Variants in SKAP2 observed in about 807,000 individuals in gnomAD.
The protein encoded by SKAP2 is src kinase associated phosphoprotein 2.
SKAP2 carries 28 observed loss-of-function variants against 54.9 expected under a neutral mutation model. That is an observed-to-expected ratio of 0.51 (90% confidence interval 0.38 to 0.70). SKAP2 has a LOEUF of 0.70. Among genes scored for constraint, SKAP2 ranks in the 30% least tolerant of loss-of-function variants. SKAP2 has a pLI of 0.00. For missense variants in SKAP2, 356 were observed against 424.1 expected, an observed-to-expected ratio of 0.84 and a Z score of 1.41; for synonymous variants, 137 against 134.3, an observed-to-expected ratio of 1.02 and a Z score of -0.14.
chr7:26,782,821 T>C (rs113822099), intron 4 of SKAP2, among the ~76,000 whole-genome samples: 179 of 152,264 alleles, frequency 1.2e-3, no homozygotes, highest in Admixed American at 3.5e-3. Context: ...TGAGGGCACA[T>C]AGAAGGCACC....
In SKAP2 at chr7:26,764,590, TTTTTTA is replaced by T. The variant is rs533666633; in HGVS notation, c.308-24632_308-24627del. 9.1e-3 allele frequency among the ~76,000 whole-genome samples: 1,389 copies of T among 152,250 alleles called. 8 individuals carry two copies. Among genetic ancestry groups the T allele is most frequent in the South Asian group, 0.031 (151 of 4,816 alleles). On this transcript the variant is annotated intron_variant, in intron 4 of 12. Transcript: ENST00000345317. ...AATCTCTTCTTTTTTTCTTTTATCT[TTTTTTA>T]TTTTTATTTTTATCATACTTTAAGT...
intron 4 of SKAP2, among the ~76,000 whole-genome samples, chr7:26,744,107 T>C (rs1003336352): frequency 1.3e-5 from 2 of 152,078 alleles, no homozygotes; most frequent in East Asian, 3.8e-4. Flanking sequence ...AAAACTAAGG[T>C]ATTACCCACT....
chr7:26,710,901 T>C (rs2127949932), intron 9 of SKAP2, among the ~76,000 whole-genome samples: 1 of 152,328 alleles, frequency 6.6e-6, no homozygotes, highest in African/African-American at 2.4e-5. Flanking sequence ...TATGTGTTAA[T>C]TTCCAGAATG....
At chr7:26,756,097 A>T (rs1008065417) in intron 4 of SKAP2, among the ~76,000 whole-genome samples, 1 of 152,234 alleles carries the variant, frequency 6.6e-6, no homozygotes, top group South Asian at 2.1e-4. Context: ...ATATATACTA[A>T]TGTAGAAAGA....
intron 9 of SKAP2, among the ~76,000 whole-genome samples, chr7:26,705,102 G>C (rs532650404): frequency 1.3e-5 from 2 of 152,288 alleles, no homozygotes; most frequent in African/African-American, 2.4e-5. Context: ...TAGGGGCCTA[G>C]GGTCTAGGCA....
chr7:26,766,647 T>C (rs1205230891), intron 4 of SKAP2, among the ~76,000 whole-genome samples: 2 of 152,238 alleles, frequency 1.3e-5, no homozygotes, highest in Non-Finnish European at 2.9e-5. Flanking sequence ...ATACATTCCA[T>C]CAGTACCTAT....
At position 26,854,122 on chromosome 7, in the gene SKAP2, A is replaced by G; in HGVS notation, c.199+15T>C. On this transcript the variant is annotated intron_variant, in intron 3 of 12. Coordinates refer to ENST00000345317, the MANE Select transcript of SKAP2 (RefSeq NM_003930.5). ...AGGAAAAAAATTTTCAAGTTTGCCAAACATGAAAACTTACCTTTGTCTTGA... is the reference window on the plus strand; with the variant it reads ...AGGAAAAAAATTTTCAAGTTTGCCAGACATGAAAACTTACCTTTGTCTTGA... 1 of 1,575,752 alleles carries G rather than the reference A, an allele frequency of 6.3e-7. No homozygotes were observed. Among genetic ancestry groups the G allele is most frequent in the Non-Finnish European group, 8.6e-7 (1 of 1,157,898 alleles).
chr7:26,819,177 G>A (rs780380605), intron 4 of SKAP2, among the ~76,000 whole-genome samples: 38 of 152,116 alleles, frequency 2.5e-4, no homozygotes, highest in Non-Finnish European at 7.4e-5. Flanking sequence ...CAACCCAAAT[G>A]CCCATCAATG....
At chr7:26,832,616 C>A (rs893655964) in intron 4 of SKAP2, among the ~76,000 whole-genome samples, 29 of 152,076 alleles carry the variant, frequency 1.9e-4, no homozygotes, top group Non-Finnish European at 3.7e-4. Flanking sequence ...GAGTTCAAGG[C>A]CAGCCTGAGC....
At chr7:26,762,188 G>C (rs958294275) in intron 4 of SKAP2, among the ~76,000 whole-genome samples, 2 of 152,022 alleles carry the variant, frequency 1.3e-5, no homozygotes, top group African/African-American at 4.8e-5. Flanking sequence ...AGGACTGCTT[G>C]AGCCTAGGAG....
At chr7:26,657,413 T>C in the SKAP2 span, among the ~76,000 whole-genome samples, 1 of 152,184 alleles carries the variant, frequency 6.6e-6, no homozygotes, top group African/African-American at 2.4e-5. Context: ...CTGTCACTGT[T>C]CTAGGAGCAG....
intron 2 of SKAP2, among the ~76,000 whole-genome samples, 198 bp downstream of exon 2, chr7:26,854,587 A>G (rs1584428850): frequency 6.6e-6 from 1 of 152,082 alleles, no homozygotes. Context: ...TACATAATCA[A>G]GAAGGGTACT....
intron 4 of SKAP2, among the ~76,000 whole-genome samples, chr7:26,783,929 A>C (rs1160792505): frequency 6.6e-6 from 1 of 152,048 alleles, no homozygotes; most frequent in Non-Finnish European, 1.5e-5. Context: ...GTACCCTGAA[A>C]CTTAAAGTAT....
chr7:26,682,631 G>A (rs1786529524), intron 11 of SKAP2, among the ~76,000 whole-genome samples: 1 of 152,132 alleles, frequency 6.6e-6, no homozygotes, highest in East Asian at 1.9e-4. Context: ...ATATGATCAT[G>A]ATGGTGAAAC....
At position 26,670,582 on chromosome 7, in the gene SKAP2, A is replaced by T. The variant is rs565356404; in HGVS notation, c.988-390T>A. 1.1e-3 allele frequency among the ~76,000 whole-genome samples: 165 copies of T among 152,244 alleles called. 2 individuals carry two copies. In the Middle Eastern group the frequency reaches 0.017, roughly 16 times the overall value. ...TAAGCTATTATATTTGCCTTCAAGA[A>T]GCTTATCATCTAGCAAGGATAAAAT... On this transcript the variant is annotated intron_variant, in intron 11 of 12. Coordinates refer to ENST00000345317, the MANE Select transcript of SKAP2 (RefSeq NM_003930.5).
intron 4 of SKAP2, among the ~76,000 whole-genome samples, chr7:26,810,322 G>A (rs1784115758): frequency 6.6e-6 from 1 of 150,790 alleles, no homozygotes; most frequent in South Asian, 2.1e-4. Context: ...AGAAAAAAAA[G>A]GAAAGAAAAA....
At chr7:26,793,704 T>C (rs1258698868) in intron 4 of SKAP2, among the ~76,000 whole-genome samples, 1 of 152,160 alleles carries the variant, frequency 6.6e-6, no homozygotes, top group Non-Finnish European at 1.5e-5. Context: ...AGTACTACAG[T>C]TTCCTCATCT....
intron 4 of SKAP2, among the ~76,000 whole-genome samples, chr7:26,758,983 G>A (rs915966936): frequency 1.4e-4 from 22 of 152,118 alleles, no homozygotes; most frequent in Non-Finnish European, 2.6e-4. Flanking sequence ...CAAATTTTCC[G>A]AAATGAAATG....
chr7:26,809,674 C>A (rs1784098795), intron 4 of SKAP2, among the ~76,000 whole-genome samples: 1 of 152,086 alleles, frequency 6.6e-6, no homozygotes, highest in Non-Finnish European at 1.5e-5. Context: ...ATTAGAACAA[C>A]CATTATGGAA....
Sources: gnomAD v4.1 joint callset for allele counts (sites outside exome capture counted in the v4.1 genomes callset) on GRCh38, gnomAD v4.1.1 for gene constraint, MANE v1.5 for transcripts, NCBI Gene and HGNC (gene_info 2026-07-23, HGNC 2026-07-21) for gene names.